Variants in KANK1 observed in about 807,000 individuals in gnomAD.
KANK1 encodes KN motif and ankyrin repeat domains 1.
A neutral mutation model predicts 106.2 loss-of-function variants in KANK1; 109 were observed. That is an observed-to-expected ratio of 1.03 (90% CI 0.88 to 1.20). KANK1 has a LOEUF of 1.20. Ranked by LOEUF, KANK1 falls within the 50% of genes most tolerant of loss-of-function variation. The pLI is 0.00. For synonymous variants in KANK1, 873 were observed against 652.2 expected, an observed-to-expected ratio of 1.34 and a Z score of -5.16; for missense variants, 2,399 against 1,710.7, an observed-to-expected ratio of 1.40 and a Z score of -7.10.
At chr9:508,061 AT>A (rs2058848525) in intron 1 of KANK1, among the ~76,000 whole-genome samples, 1 of 136,064 alleles carries the variant, frequency 7.3e-6, no homozygotes, top group African/African-American at 2.6e-5. Context: ...ACGTCAGGTT[AT>A]CCATCCGCCT....
intron 2 of KANK1, among the ~76,000 whole-genome samples, chr9:710,064 AAG>A (rs1325443568): frequency 2.6e-5 from 4 of 152,226 alleles, no homozygotes; most frequent in Non-Finnish European, 5.9e-5. Context: ...AAAGTGGGGA[AAG>A]AGGGGAGTGA....
intron 10 of KANK1, among the ~76,000 whole-genome samples, chr9:743,416 C>G (rs958713689): frequency 1.3e-5 from 2 of 152,212 alleles, no homozygotes; most frequent in African/African-American, 4.8e-5. Flanking sequence ...TTCTGACCGA[C>G]TTCTTTCTTC....
intron 3 of KANK1, among the ~76,000 whole-genome samples, chr9:496,585 TAAATA>T (rs1276898184): frequency 6.6e-6 from 1 of 152,126 alleles, no homozygotes; most frequent in Non-Finnish European, 1.5e-5. Flanking sequence ...AATAAATTCA[TAAATA>T]AATAAATGAA....
At chr9:656,461 A>T (rs1180441014) in intron 1 of KANK1, among the ~76,000 whole-genome samples, 1 of 152,106 alleles carries the variant, frequency 6.6e-6, no homozygotes, top group Non-Finnish European at 1.5e-5. Context: ...CCTCTACCTC[A>T]TGCTGACCAG....
At chr9:710,505 CA>C (rs1825660746) in intron 2 of KANK1, among the ~76,000 whole-genome samples, 1 of 151,202 alleles carries the variant, frequency 6.6e-6, no homozygotes, top group East Asian at 2.0e-4. Flanking sequence ...GTAATCCCAG[CA>C]ACTCAGGAGG....
At chr9:577,060 A>C (rs1820754925) in intron 1 of KANK1, among the ~76,000 whole-genome samples, 1 of 152,164 alleles carries the variant, frequency 6.6e-6, no homozygotes, top group Non-Finnish European at 1.5e-5. Context: ...GTGAATCTGC[A>C]GACCTTTGCA....
chr9:504,682 C>A (rs1005777594), upstream of KANK1: 5 of 147,928 alleles, frequency 3.4e-5, no homozygotes, highest in African/African-American at 1.2e-4. Context: ...CCCCCTGCGC[C>A]CCGCCCTTCC....
At chr9:489,979 C>T (rs747349551) in intron 3 of KANK1, among the ~76,000 whole-genome samples, 12 of 152,050 alleles carry the variant, frequency 7.9e-5, no homozygotes, top group South Asian at 2.1e-4. Flanking sequence ...GAAGGAAGTA[C>T]TTTTATTTCA....
intron 1 of KANK1, among the ~76,000 whole-genome samples, chr9:505,174 C>T (rs918892775): frequency 2.0e-5 from 3 of 152,256 alleles, no homozygotes; most frequent in Non-Finnish European, 2.9e-5. Context: ...CCTTCCCTAG[C>T]CCGGGGCGGA....
chr9:516,883 C>T (rs1470509866), intron 1 of KANK1, among the ~76,000 whole-genome samples: 1 of 151,528 alleles, frequency 6.6e-6, no homozygotes, highest in Non-Finnish European at 1.5e-5. Flanking sequence ...TTTCATGCCT[C>T]CATCAGTGTA....
chr9:519,319 A>C (rs371796582), intron 1 of KANK1, among the ~76,000 whole-genome samples: 5 of 151,852 alleles, frequency 3.3e-5, no homozygotes, highest in South Asian at 2.1e-4. Context: ...TGAACTTCCA[A>C]CTTCTCAGGA....
chr9:674,683 A>G (rs1440464061), intron 1 of KANK1, among the ~76,000 whole-genome samples: 3 of 152,176 alleles, frequency 2.0e-5, no homozygotes, highest in Non-Finnish European at 4.4e-5. Flanking sequence ...GTTTTAAAGC[A>G]AATAAGACAG....
rs116593392 is a variant in KANK1 at position 642,574 on chromosome 9, A to G, written c.-83-34316A>G. 8.5e-3 allele frequency among the ~76,000 whole-genome samples: 1,281 copies of G among 151,084 alleles called. 121 individuals are homozygous for G. The highest frequency in any genetic ancestry group is 0.03 in the African/African-American group (1,224 of 40,376). ...TGGTTCTTGGACACACTCAGCTACT[A>G]GAACAGAGAGATGGTTTATATTTTT... On this transcript the variant is annotated intron_variant, in intron 1 of 11. Coordinates refer to ENST00000382297, the MANE Select transcript of KANK1 (RefSeq NM_015158.5).
chr9:581,674 C>T (rs1341121537), intron 1 of KANK1, among the ~76,000 whole-genome samples: 1 of 152,132 alleles, frequency 6.6e-6, no homozygotes, highest in Non-Finnish European at 1.5e-5. Context: ...AAAGATTCAC[C>T]TCGATTATTC....
At chr9:599,611 T>C (rs1032776640) in intron 1 of KANK1, among the ~76,000 whole-genome samples, 2 of 151,912 alleles carry the variant, frequency 1.3e-5, no homozygotes, top group South Asian at 2.1e-4. Flanking sequence ...CATACTGATA[T>C]GCTACGTAGC....
upstream of KANK1, among the ~76,000 whole-genome samples, chr9:501,079 GAAAA>G (rs61238885): frequency 1.4e-5 from 2 of 144,616 alleles, no homozygotes; most frequent in East Asian, 2.0e-4. Context: ...TGAGAAAAAA[GAAAA>G]AAAAAACCAA....
rs118124950 is a variant in KANK1 at position 679,763 on chromosome 9, G to T, written c.37+2754G>T. Among the ~76,000 whole-genome samples, 1,083 of 152,246 alleles carry T rather than the reference G, an allele frequency of 7.1e-3. 6 individuals are homozygous for T. The highest frequency in any genetic ancestry group is 9.5e-3 in the Non-Finnish European group (648 of 68,026). On this transcript the variant is annotated intron_variant, in intron 2 of 11. Transcript: ENST00000382297. ...TGTCTGAAAACCAAAACAAAAGCAA[G>T]AATTACTGGTGATAATACCACCTAG...
At chr9:540,937 C>T (rs886090256) in intron 1 of KANK1, among the ~76,000 whole-genome samples, 3 of 152,030 alleles carry the variant, frequency 2.0e-5, no homozygotes, top group Admixed American at 1.3e-4. Context: ...TTTTCAAAAA[C>T]TCCTGGTTTC....
intron 1 of KANK1, among the ~76,000 whole-genome samples, chr9:582,505 C>T (rs1206837544): frequency 1.3e-5 from 2 of 152,152 alleles, no homozygotes; most frequent in African/African-American, 4.8e-5. Context: ...TGCACTTTTG[C>T]CCTCAGAATC....
Sources: gnomAD v4.1 joint callset for allele counts (sites outside exome capture counted in the v4.1 genomes callset) on GRCh38, gnomAD v4.1.1 for gene constraint, MANE v1.5 for transcripts, NCBI Gene and HGNC (gene_info 2026-07-23, HGNC 2026-07-21) for gene names.